SGCZ: variants seen among roughly 807,000 people sequenced by gnomAD.
The protein encoded by SGCZ is sarcoglycan zeta.
A neutral mutation model predicts 41.3 loss-of-function variants in SGCZ; 40 were observed. That is an observed-to-expected ratio of 0.97 (90% CI 0.75 to 1.26). SGCZ has a LOEUF of 1.26. Among genes scored for constraint, SGCZ ranks in the 50% most tolerant of loss-of-function variants. The pLI, the probability that SGCZ is intolerant of heterozygous loss-of-function variation, is 0.00. For synonymous variants in SGCZ, 206 were observed against 137.5 expected, an observed-to-expected ratio of 1.50 and a Z score of -3.49; for missense variants, 552 against 369.8, an observed-to-expected ratio of 1.49 and a Z score of -4.04.
At chr8:14,423,326 GAA>G (rs138379272) in intron 2 of SGCZ, among the ~76,000 whole-genome samples, 4 of 150,874 alleles carry the variant, frequency 2.7e-5, no homozygotes, top group Admixed American at 1.3e-4. Context: ...AATAAAAAAA[GAA>G]AAAAAAGTAA....
rs573192169 is a variant in SGCZ at position 14,571,505 on chromosome 8, G to A, written c.40-16579C>T. 4.6e-5 allele frequency among the ~76,000 whole-genome samples: 7 copies of A among 152,230 alleles called. No homozygotes were observed. The South Asian group carries it at 8.3e-4, about 18-fold the overall frequency. ...TATTCCTATTAATATTCTGTGTGGT[G>A]ACCAAAGCACATGCTCCAAAACTTT... On this transcript the variant is annotated intron_variant, in intron 1 of 7. Transcript: ENST00000382080.
chr8:14,262,213 T>G, intron 3 of SGCZ, among the ~76,000 whole-genome samples: 1 of 152,120 alleles, frequency 6.6e-6, no homozygotes, highest in Non-Finnish European at 1.5e-5. Flanking sequence ...AACACATATA[T>G]TAACAGGCTA....
At chr8:15,112,307 A>C (rs1333726657) in intron 1 of SGCZ, among the ~76,000 whole-genome samples, 1 of 152,240 alleles carries the variant, frequency 6.6e-6, no homozygotes, top group African/African-American at 2.4e-5. Context: ...AATTTGTTTT[A>C]TCTTCAAGTC....
At chr8:14,392,787 A>C (rs1804821703) in intron 2 of SGCZ, among the ~76,000 whole-genome samples, 1 of 151,930 alleles carries the variant, frequency 6.6e-6, no homozygotes, top group South Asian at 2.1e-4. Flanking sequence ...TGGCTAATAC[A>C]TGCATATTTA....
intron 1 of SGCZ, among the ~76,000 whole-genome samples, chr8:14,622,887 G>C (rs546705291): frequency 6.6e-6 from 1 of 152,118 alleles, no homozygotes; most frequent in South Asian, 2.1e-4. Flanking sequence ...AGTAACCTGG[G>C]TGGAGAACTG....
At chr8:14,942,911 GGCT>G (rs1249602542) in intron 1 of SGCZ, among the ~76,000 whole-genome samples, 3 of 151,986 alleles carry the variant, frequency 2.0e-5, no homozygotes, top group African/African-American at 7.2e-5. Flanking sequence ...ACTGACAGTA[GGCT>G]ATATTGCTAC....
chr8:14,993,938 G>A (rs1802114869), intron 1 of SGCZ, among the ~76,000 whole-genome samples: 1 of 152,086 alleles, frequency 6.6e-6, no homozygotes, highest in Non-Finnish European at 1.5e-5. Context: ...CTGCTGTGCT[G>A]GGGCCAGACT....
chr8:14,588,284 A>G (rs888154012), intron 1 of SGCZ, among the ~76,000 whole-genome samples: 1 of 151,986 alleles, frequency 6.6e-6, no homozygotes, highest in African/African-American at 2.4e-5. Context: ...TCAAGATTTC[A>G]GGAAATGGTA....
chr8:14,322,408 G>T (rs527790982), intron 3 of SGCZ, among the ~76,000 whole-genome samples: 1 of 152,030 alleles, frequency 6.6e-6, no homozygotes, highest in Non-Finnish European at 1.5e-5. Flanking sequence ...ACTAGGAAGC[G>T]CAAGTGGCTC....
chr8:14,478,315 G>A (rs781514636), intron 2 of SGCZ, among the ~76,000 whole-genome samples: 5 of 152,146 alleles, frequency 3.3e-5, no homozygotes, highest in Non-Finnish European at 7.3e-5. Flanking sequence ...TGGATAAACT[G>A]TAACACACTC....
At chr8:14,839,970 A>G (rs1465286557) in intron 1 of SGCZ, among the ~76,000 whole-genome samples, 1 of 152,132 alleles carries the variant, frequency 6.6e-6, no homozygotes, top group East Asian at 1.9e-4. Flanking sequence ...TATGTAATCA[A>G]CTTGTTTTTT....
chr8:15,104,716 G>C (rs1466441049), intron 1 of SGCZ, among the ~76,000 whole-genome samples: 1 of 151,798 alleles, frequency 6.6e-6, no homozygotes, highest in Non-Finnish European at 1.5e-5. Flanking sequence ...AGCACATATA[G>C]CTTCCCAATA....
In SGCZ at chr8:14,112,287, G is replaced by T. The variant is rs574719142; in HGVS notation, c.548-4052C>A. Among the ~76,000 whole-genome samples the T allele has an allele frequency of 2.4e-4, 34 of 140,406 alleles. 1 individual carries two copies. Among genetic ancestry groups the T allele is most frequent in the African/African-American group, 7.4e-4 (29 of 39,098 alleles). 92.1% of individuals were successfully genotyped at this position (140,406 alleles called of 152,430 possible). A position where few individuals can be genotyped will look rare whatever the true frequency, so the allele number is the denominator to read the frequency against. On this transcript the variant is annotated intron_variant, in intron 5 of 7. Coordinates refer to ENST00000382080, the MANE Select transcript of SGCZ (RefSeq NM_139167.4). ...TTTTTTGAGTTTTTTTTTTTGTGGGGGGGGGGTGCAAAGAAGGGAATGGAT... is the reference window on the plus strand; with the variant it reads ...TTTTTTGAGTTTTTTTTTTTGTGGGTGGGGGGTGCAAAGAAGGGAATGGAT...
At chr8:15,172,135 A>C (rs1799849891) in intron 1 of SGCZ, among the ~76,000 whole-genome samples, 1 of 141,298 alleles carries the variant, frequency 7.1e-6, no homozygotes, top group Non-Finnish European at 1.6e-5. Context: ...TTAAAGGAAA[A>C]AAATGCCTTT....
At chr8:14,572,678 C>T (rs1804590867) in intron 1 of SGCZ, among the ~76,000 whole-genome samples, 1 of 152,126 alleles carries the variant, frequency 6.6e-6, no homozygotes, top group Non-Finnish European at 1.5e-5. Context: ...CCACGCCTCC[C>T]CTTTATACAG....
rs184710148 is a variant in SGCZ at position 14,992,297 on chromosome 8, A to T, written c.39+245288T>A. The stretch of plus-strand genomic sequence containing the variant: ...CCTCAACTATTCAACTCCAAAACTA[A>T]TGTTGGCATTGATATTTACCCCTCA... On this transcript the variant is annotated intron_variant, in intron 1 of 7. Coordinates refer to ENST00000382080, the MANE Select transcript of SGCZ (RefSeq NM_139167.4). 2.1e-5 allele frequency among the ~76,000 whole-genome samples: 3 copies of T among 139,656 alleles called. No individual in the cohort carries two copies. In the East Asian group the frequency reaches 6.9e-4, roughly 32 times the overall value. The allele number at this position is 139,656 out of a possible 152,430, so 91.6% of individuals were successfully genotyped here.
At chr8:14,705,876 T>C (rs1365493488) in intron 1 of SGCZ, among the ~76,000 whole-genome samples, 1 of 152,084 alleles carries the variant, frequency 6.6e-6, no homozygotes, top group African/African-American at 2.4e-5. Context: ...CACGAATCAC[T>C]ATATTTTTAG....
intron 2 of SGCZ, among the ~76,000 whole-genome samples, chr8:14,379,589 A>C (rs991870583): frequency 2.0e-5 from 3 of 152,166 alleles, no homozygotes; most frequent in African/African-American, 4.8e-5. Context: ...AGAAAATATC[A>C]ATAGACTATT....
At chr8:14,126,092 C>A (rs904588395) in intron 5 of SGCZ, among the ~76,000 whole-genome samples, 10 of 152,080 alleles carry the variant, frequency 6.6e-5, no homozygotes, top group African/African-American at 2.4e-4. Flanking sequence ...GGTGACATAG[C>A]CAAAAGCAAT....
Sources: gnomAD v4.1 joint callset for allele counts (sites outside exome capture counted in the v4.1 genomes callset) on GRCh38, gnomAD v4.1.1 for gene constraint, MANE v1.5 for transcripts, NCBI Gene and HGNC (gene_info 2026-07-23, HGNC 2026-07-21) for gene names.